Variants in ADGRV1 observed in about 807,000 individuals in gnomAD.
The protein encoded by ADGRV1 is adhesion G protein-coupled receptor V1.
In ADGRV1, 359 loss-of-function variants were observed where a neutral mutation model predicts 596.2. The observed-to-expected ratio is 0.60, with a 90% confidence interval of 0.55 to 0.66. The LOEUF (loss-of-function observed/expected upper bound fraction) is 0.66, where lower values mean the gene tolerates loss of function less well. Among genes scored for constraint, ADGRV1 ranks in the 30% least tolerant of loss-of-function variants. The probability of loss-of-function intolerance (pLI) is 0.00; values close to 1 mark genes in which losing one functional copy is unlikely to be tolerated. For missense variants in ADGRV1, 7,274 were observed against 7,575.6 expected, an observed-to-expected ratio of 0.96 and a Z score of 1.48; for synonymous variants, 2,681 against 2,679.2, an observed-to-expected ratio of 1.00 and a Z score of -0.02.
intron 85 of ADGRV1, among the ~76,000 whole-genome samples, chr5:90,986,400 G>A (rs78678020): frequency 0.038 from 5,763 of 151,896 alleles, 373 homozygotes; most frequent in African/African-American, 0.13. Context: ...TACTATATCA[G>A]CAGTCATTTT....
intron 85 of ADGRV1, among the ~76,000 whole-genome samples, chr5:91,068,754 C>A (rs370073358): frequency 6.6e-6 from 1 of 151,622 alleles, no homozygotes; most frequent in South Asian, 2.1e-4. Flanking sequence ...AAACTACCAA[C>A]ATCATTTTTC....
intron 50 of ADGRV1, among the ~76,000 whole-genome samples, chr5:90,732,096 G>A (rs1017327988): frequency 7.2e-5 from 11 of 152,124 alleles, no homozygotes; most frequent in African/African-American, 2.7e-4. Context: ...GAACACATGA[G>A]TTCAAGCCGT....
At chr5:90,848,248 T>G (rs1263273376) in intron 78 of ADGRV1, among the ~76,000 whole-genome samples, 3 of 152,224 alleles carry the variant, frequency 2.0e-5, no homozygotes, top group Non-Finnish European at 4.4e-5. Flanking sequence ...ACAAATATTC[T>G]TGAGGTATTT....
chr5:91,055,417 C>A (rs1786753381), intron 85 of ADGRV1, among the ~76,000 whole-genome samples: 1 of 152,004 alleles, frequency 6.6e-6, no homozygotes, highest in South Asian at 2.1e-4. Flanking sequence ...AATGGCTGTC[C>A]TTTACTGACT....
At chr5:90,649,060 G>A (rs1016047312) in intron 17 of ADGRV1, among the ~76,000 whole-genome samples, 2 of 152,158 alleles carry the variant, frequency 1.3e-5, no homozygotes, top group Admixed American at 1.3e-4. Flanking sequence ...CTGGAGTGCA[G>A]TGGTGCAATC....
At chr5:90,634,388 T>G (rs1765878836) in intron 9 of ADGRV1, among the ~76,000 whole-genome samples, 1 of 152,208 alleles carries the variant, frequency 6.6e-6, no homozygotes, top group Non-Finnish European at 1.5e-5. Flanking sequence ...ACAAGAGCTC[T>G]GCAGACCTGT....
At chr5:90,690,649 A>G in intron 30 of ADGRV1, 148 bp from the exon 31 acceptor site, 1 of 788,620 alleles carries the variant, frequency 1.3e-6, no homozygotes, top group South Asian at 1.9e-5. Context: ...ACCAATTTGT[A>G]TCACAGCATG....
chr5:90,975,081 C>G (rs1375559346), intron 84 of ADGRV1, among the ~76,000 whole-genome samples: 2 of 151,884 alleles, frequency 1.3e-5, no homozygotes, highest in African/African-American at 4.8e-5. Flanking sequence ...ATTTATGCAG[C>G]CAACAGACAC....
chr5:90,880,250 C>T (rs1405188327), intron 83 of ADGRV1, among the ~76,000 whole-genome samples: 6 of 152,068 alleles, frequency 3.9e-5, no homozygotes, highest in Non-Finnish European at 7.4e-5. Flanking sequence ...TCTCTTTTAA[C>T]CACTAAATTA....
intron 20 of ADGRV1, chr5:90,654,911 T>C (rs547187845): frequency 6.6e-6 from 1 of 152,136 alleles, no homozygotes; most frequent in African/African-American, 2.4e-5. Flanking sequence ...GGTGGTGGAA[T>C]GAGAATGGAA....
rs560561324 is a variant in ADGRV1 at position 91,020,845 on chromosome 5, A to G, written c.18152+35323A>G. ...CTGCTTCGACATCTAAATCTTTGAAATATTATTTAAGGGGTACTGACTTTG... is the reference window on the plus strand; with the variant it reads ...CTGCTTCGACATCTAAATCTTTGAAGTATTATTTAAGGGGTACTGACTTTG... On this transcript the variant is annotated intron_variant, in intron 85 of 89. Coordinates refer to ENST00000405460, the MANE Select transcript of ADGRV1 (RefSeq NM_032119.4). 2.4e-4 allele frequency among the ~76,000 whole-genome samples: 37 copies of G among 152,150 alleles called. 1 individual carries two copies. In the South Asian group the frequency reaches 7.5e-3, roughly 31 times the overall value.
chr5:90,928,451 C>G (rs946300307), intron 83 of ADGRV1, among the ~76,000 whole-genome samples: 2 of 150,688 alleles, frequency 1.3e-5, no homozygotes, highest in African/African-American at 4.9e-5. Flanking sequence ...GCATTCTTCA[C>G]GTAGTTCTCG....
At chr5:91,055,423 T>G (rs1193987095) in intron 85 of ADGRV1, among the ~76,000 whole-genome samples, 1 of 152,220 alleles carries the variant, frequency 6.6e-6, no homozygotes, top group Admixed American at 6.5e-5. Flanking sequence ...TGTCCTTTAC[T>G]GACTCCTTAT....
intron 86 of ADGRV1, among the ~76,000 whole-genome samples, chr5:91,084,613 G>A (rs542280471): frequency 1.4e-3 from 209 of 152,232 alleles, no homozygotes; most frequent in African/African-American, 5.0e-3. Flanking sequence ...AAATAGGAAC[G>A]CTTTTACACT....
At chr5:90,879,986 TAAG>T (rs1016290207) in intron 83 of ADGRV1, among the ~76,000 whole-genome samples, 3 of 152,108 alleles carry the variant, frequency 2.0e-5, no homozygotes, top group Non-Finnish European at 4.4e-5. Flanking sequence ...ATAATTATTT[TAAG>T]AAGCAATTTT....
At chr5:90,712,255 A>C in intron 41 of ADGRV1, 32 bp from the exon 42 acceptor site, 1 of 1,348,110 alleles carries the variant, frequency 7.4e-7, no homozygotes, top group Non-Finnish European at 1.0e-6. Context: ...GTATATAAAT[A>C]TAATACATTC....
intron 1 of ADGRV1, among the ~76,000 whole-genome samples, 194 bp downstream of exon 1, chr5:90,559,111 T>C (rs1450677410): frequency 1.3e-5 from 2 of 152,142 alleles, no homozygotes; most frequent in Admixed American, 6.5e-5. Flanking sequence ...GCGTCGGTTC[T>C]GTCCAAGGCT....
intron 83 of ADGRV1, among the ~76,000 whole-genome samples, chr5:90,921,989 A>G (rs1247327650): frequency 6.6e-6 from 1 of 152,084 alleles, no homozygotes; most frequent in Non-Finnish European, 1.5e-5. Context: ...AATCACTTCT[A>G]TTCACACTCT....
intron 85 of ADGRV1, among the ~76,000 whole-genome samples, chr5:91,064,431 A>T (rs1318696993): frequency 6.6e-6 from 1 of 152,208 alleles, no homozygotes; most frequent in African/African-American, 2.4e-5. Flanking sequence ...GGGATAATGC[A>T]TGTGAGGATT....
Sources: gnomAD v4.1 joint callset for allele counts (sites outside exome capture counted in the v4.1 genomes callset) on GRCh38, gnomAD v4.1.1 for gene constraint, MANE v1.5 for transcripts, NCBI Gene and HGNC (gene_info 2026-07-23, HGNC 2026-07-21) for gene names.